AGPAT4: variants seen among roughly 807,000 people sequenced by gnomAD.
The protein encoded by AGPAT4 is 1-acylglycerol-3-phosphate O-acyltransferase 4, also known as 1-acyl-sn-glycerol-3-phosphate acyltransferase delta.
AGPAT4 carries 15 observed loss-of-function variants against 48.0 expected under a neutral mutation model. That is an observed-to-expected ratio of 0.31 (90% CI 0.21 to 0.48). The LOEUF is 0.48. Among genes scored for constraint, AGPAT4 ranks in the 20% least tolerant of loss-of-function variants. The pLI, the probability that AGPAT4 is intolerant of heterozygous loss-of-function variation, is 0.99. For missense variants in AGPAT4, 314 were observed against 482.5 expected, an observed-to-expected ratio of 0.65 and a Z score of 3.27; for synonymous variants, 178 against 198.7, an observed-to-expected ratio of 0.90 and a Z score of 0.88.
rs1780264944 is a variant in AGPAT4, at chr6:161,171,480, A to G, written c.179-5063T>C. ...GAAATAAGGGAAAGCGGCTGAACTC[A>G]TCCACTTAGCAGGAACCCACTGACC... is the stretch of plus-strand genomic sequence containing the variant. On this transcript the variant is annotated intron_variant, in intron 2 of 8. Transcript: ENST00000320285. This position sits in a 1 kb window ranked among gnomAD's most constrained non-coding sequence, Gnocchi z 4.4. Among the ~76,000 whole-genome samples the G allele has an allele frequency of 6.6e-6, 1 of 152,234 alleles. No homozygotes were observed. Among genetic ancestry groups the G allele is most frequent in the Non-Finnish European group, 1.5e-5 (1 of 68,044 alleles).
chr6:161,185,142 TAAA>T (rs11299421), intron 2 of AGPAT4, among the ~76,000 whole-genome samples: 2 of 135,094 alleles, frequency 1.5e-5, no homozygotes, highest in Non-Finnish European at 1.6e-5. Flanking sequence ...TCCAAATGTT[TAAA>T]AAAAAAAAAA....
chr6:161,198,792 G>C lies in AGPAT4; in HGVS notation c.179-32375C>G, dbSNP rs575369012. On this transcript the variant is annotated intron_variant, in intron 2 of 8. Transcript: ENST00000320285. This position sits in a 1 kb window ranked among gnomAD's most constrained non-coding sequence, Gnocchi z 4.3. ...TGACGGAGTGCGTGAATGTTAACAG[G>C]GAAACTGACCTGGAACGTATATGTT... Among the ~76,000 whole-genome samples the C allele has an allele frequency of 6.6e-6, 1 of 152,170 alleles. No individual in the cohort carries two copies. The highest frequency in any genetic ancestry group is 2.4e-5 in the African/African-American group (1 of 41,496).
intron 2 of AGPAT4, among the ~76,000 whole-genome samples, chr6:161,199,361 T>C (rs1449963019): frequency 2.6e-5 from 4 of 152,176 alleles, no homozygotes; most frequent in African/African-American, 9.7e-5. Context: ...ATGGTCAGTT[T>C]TATAAGTCTA....
chr6:161,244,128 C>T lies in AGPAT4; in HGVS notation c.-89-11826G>A, dbSNP rs944078557. Among the ~76,000 whole-genome samples, 16 of 152,198 alleles carry T rather than the reference C, an allele frequency of 1.1e-4. No homozygotes were observed. The highest frequency in any genetic ancestry group is 3.1e-4 in the African/African-American group (13 of 41,438). Reference sequence around the variant, plus strand: ...GACCAAGACCCTCATCACTTTGGTGCTCTCTGAATGTACCTGTGTTTTCCT... The same window carrying T: ...GACCAAGACCCTCATCACTTTGGTGTTCTCTGAATGTACCTGTGTTTTCCT... On this transcript the variant is annotated intron_variant, in intron 1 of 8. Coordinates refer to ENST00000320285, the MANE Select transcript of AGPAT4 (RefSeq NM_020133.3). This position sits in a 1 kb window ranked among gnomAD's most constrained non-coding sequence, Gnocchi z 4.7.
intron 2 of AGPAT4, among the ~76,000 whole-genome samples, chr6:161,207,192 C>T (rs1189951742): frequency 6.6e-6 from 1 of 152,196 alleles, no homozygotes; most frequent in Non-Finnish European, 1.5e-5. Flanking sequence ...CAGAAATCCT[C>T]TGGAAGTAAA....
At chr6:161,269,891 C>T (rs1783374355) in intron 1 of AGPAT4, among the ~76,000 whole-genome samples, 1 of 152,028 alleles carries the variant, frequency 6.6e-6, no homozygotes, top group Non-Finnish European at 1.5e-5. Flanking sequence ...AAAGGTAGGA[C>T]TTAGGATCAA....
At position 161,165,884 on chromosome 6, in the gene AGPAT4, A is replaced by T. The variant is rs1462242272; in HGVS notation, c.348+364T>A. 1.7e-6 allele frequency: 1 copy of T among 595,378 alleles called. No individual in the cohort carries two copies. The highest frequency in any genetic ancestry group is 3.0e-6 in the Non-Finnish European group (1 of 334,574). 36.9% of individuals were successfully genotyped at this position (595,378 alleles called of 1,614,324 possible). A position where few individuals can be genotyped will look rare whatever the true frequency, so the allele number is the denominator to read the frequency against. ...CATGGAATTAAGAAATATGGATGGG[A>T]GTGAAATCCAAATCTAATTACAGCT... On this transcript the variant is annotated intron_variant, in intron 3 of 8. Transcript: ENST00000320285. The surrounding 1 kb of genome is among the most constrained non-coding windows in gnomAD (Gnocchi z 5.5).
rs1780475875 is a variant in AGPAT4 at position 161,178,062 on chromosome 6, C to G, written c.179-11645G>C. ...TGTATGTGGTGTCAAATGGCCCCTA[C>G]TGGGAGGTGTCTCCCAGTTAGGCTA... On this transcript the variant is annotated intron_variant, in intron 2 of 8. Transcript: ENST00000320285. The surrounding 1 kb of genome is among the most constrained non-coding windows in gnomAD (Gnocchi z 5.1). 6.6e-6 allele frequency among the ~76,000 whole-genome samples: 1 copy of G among 152,200 alleles called. No homozygotes were observed. Among genetic ancestry groups the G allele is most frequent in the Non-Finnish European group, 1.5e-5 (1 of 68,030 alleles).
At chr6:161,269,299 T>G (rs1414161091) in intron 1 of AGPAT4, among the ~76,000 whole-genome samples, 1 of 152,128 alleles carries the variant, frequency 6.6e-6, no homozygotes, top group African/African-American at 2.4e-5. Flanking sequence ...TAACAAATGT[T>G]TACCATCCTT....
At chr6:161,250,283 G>A (rs1782771612) in intron 1 of AGPAT4, among the ~76,000 whole-genome samples, 2 of 152,084 alleles carry the variant, frequency 1.3e-5, no homozygotes, top group Non-Finnish European at 2.9e-5. Flanking sequence ...TGTACAAGAA[G>A]CCCCATGACA....
In AGPAT4 at chr6:161,223,915, G is replaced by A. The variant is rs1781899051; in HGVS notation, c.178+8121C>T. On this transcript the variant is annotated intron_variant, in intron 2 of 8. Coordinates refer to ENST00000320285, the MANE Select transcript of AGPAT4 (RefSeq NM_020133.3). The surrounding 1 kb of genome is among the most constrained non-coding windows in gnomAD (Gnocchi z 6.3). ...CAGTTCCTGGAACAGTAAGTGCTCAGTAAATACTAGCTGGCTAAAAGTTCA... is the reference window on the plus strand; with the variant it reads ...CAGTTCCTGGAACAGTAAGTGCTCAATAAATACTAGCTGGCTAAAAGTTCA... 6.6e-6 allele frequency among the ~76,000 whole-genome samples: 1 copy of A among 152,238 alleles called. No homozygotes were observed. Among genetic ancestry groups the A allele is most frequent in the Admixed American group, 6.5e-5 (1 of 15,288 alleles).
At position 161,140,640 on chromosome 6, in the gene AGPAT4, G is replaced by A. The variant is rs1779219103; in HGVS notation, c.844-1020C>T. Among the ~76,000 whole-genome samples, 2 of 152,250 alleles carry A rather than the reference G, an allele frequency of 1.3e-5. No individual in the cohort carries two copies. On this transcript the variant is annotated intron_variant, in intron 7 of 8. Transcript: ENST00000320285. The surrounding 1 kb of genome is among the most constrained non-coding windows in gnomAD (Gnocchi z 6.5). ...CCCAGGTCAGCAGGCGTGCTCAAGC[G>A]GCTGGGAGCTGAGCTGAGCCAGGAC...
Position 161,152,068 on chromosome 6 carries a change from G to A in AGPAT4, c.664+1278C>T, listed in dbSNP as rs150065863. 1.8e-3 allele frequency among the ~76,000 whole-genome samples: 273 copies of A among 152,332 alleles called. 2 individuals are homozygous for A. Among genetic ancestry groups the A allele is most frequent in the African/African-American group, 6.1e-3 (252 of 41,588 alleles). ...TCGGTTCTGCAGGCCCAAGTGAGCT[G>A]CTGAGACTCCAGAGCCTGCTTTTCT... On this transcript the variant is annotated intron_variant, in intron 5 of 8. Coordinates refer to ENST00000320285, the MANE Select transcript of AGPAT4 (RefSeq NM_020133.3).
Position 161,144,401 on chromosome 6 carries a change from C to T in AGPAT4, c.843+2123G>A, listed in dbSNP as rs1473202823. 11 of 337,998 alleles carry T rather than the reference C, an allele frequency of 3.3e-5. No homozygotes were observed. The highest frequency in any genetic ancestry group is 6.5e-5 in the Non-Finnish European group (11 of 168,838). The allele number at this position is 337,998 out of a possible 1,614,324, so 20.9% of individuals were successfully genotyped here. On this transcript the variant is annotated intron_variant, in intron 7 of 8. Coordinates refer to ENST00000320285, the MANE Select transcript of AGPAT4 (RefSeq NM_020133.3). The surrounding 1 kb of genome is among the most constrained non-coding windows in gnomAD (Gnocchi z 6.6). Reference sequence around the variant, plus strand: ...GTAAGAGCTTTGGAGTAGATGATCACTTTGAGAACCCTACCAAGTTGAACA... The same window carrying T: ...GTAAGAGCTTTGGAGTAGATGATCATTTTGAGAACCCTACCAAGTTGAACA...
At position 161,165,493 on chromosome 6, in the gene AGPAT4, C is replaced by A; in HGVS notation, c.348+755G>T. ...ATTGTTCCCAGGTGCAAAACCTGATCTCTAAGTTCTGGTGCAAACTCTTAG... is the reference window on the plus strand; with the variant it reads ...ATTGTTCCCAGGTGCAAAACCTGATATCTAAGTTCTGGTGCAAACTCTTAG... On this transcript the variant is annotated intron_variant, in intron 3 of 8. Transcript: ENST00000320285. The surrounding 1 kb of genome is among the most constrained non-coding windows in gnomAD (Gnocchi z 5.5). 2.2e-6 allele frequency: 2 copies of A among 915,072 alleles called. No individual in the cohort carries two copies. Among genetic ancestry groups the A allele is most frequent in the Admixed American group, 3.7e-5 (1 of 27,008 alleles). 56.7% of individuals were successfully genotyped at this position (915,072 alleles called of 1,614,324 possible).
Position 161,165,634 on chromosome 6 carries a change from C to T in AGPAT4, c.348+614G>A. 7.7e-7 allele frequency: 1 copy of T among 1,304,290 alleles called. No homozygotes were observed. The highest frequency in any genetic ancestry group is 1.0e-6 in the Non-Finnish European group (1 of 989,442). The allele number at this position is 1,304,290 out of a possible 1,614,324, so 80.8% of individuals were successfully genotyped here. A position where few individuals can be genotyped will look rare whatever the true frequency, so the allele number is the denominator to read the frequency against. ...GTGACACAGGCTCAACCGCTACACG[C>T]TGCAGTGTGTTGAAGACGACAAAAG... On this transcript the variant is annotated intron_variant, in intron 3 of 8. Coordinates refer to ENST00000320285, the MANE Select transcript of AGPAT4 (RefSeq NM_020133.3). The surrounding 1 kb of genome is among the most constrained non-coding windows in gnomAD (Gnocchi z 5.5).
At position 161,137,441 on chromosome 6, in the gene AGPAT4, G is replaced by C. The variant is rs972812772; in HGVS notation, c.1043-807C>G. On this transcript the variant is annotated intron_variant, in intron 8 of 8. Transcript: ENST00000320285. This position sits in a 1 kb window ranked among gnomAD's most constrained non-coding sequence, Gnocchi z 6.1. ...AGGATTATCTAGCATTAGCATCGCG[G>C]TCGATAAACTAACTGGGACATGGAT... Among the ~76,000 whole-genome samples the C allele has an allele frequency of 7.9e-5, 12 of 152,216 alleles. No individual in the cohort carries two copies. Among genetic ancestry groups the C allele is most frequent in the African/African-American group, 2.9e-4 (12 of 41,460 alleles).
Position 161,134,042 on chromosome 6 carries a change from T to C in AGPAT4, c.*2498A>G, listed in dbSNP as rs754578244. 6.6e-6 allele frequency: 1 copy of C among 152,206 alleles called. No individual in the cohort carries two copies. The highest frequency in any genetic ancestry group is 1.5e-5 in the Non-Finnish European group (1 of 68,088). The allele number at this position is 152,206 out of a possible 1,614,324, so 9.4% of individuals were successfully genotyped here. A position where few individuals can be genotyped will look rare whatever the true frequency, so the allele number is the denominator to read the frequency against. On this transcript the variant is annotated 3_prime_UTR_variant, in exon 9 of 9. Coordinates refer to ENST00000320285, the MANE Select transcript of AGPAT4 (RefSeq NM_020133.3). ...GGAGTACCCGTGGTTGTCTGTGTCA[T>C]TAAGGGCGCAGGGTGTAAGGAAACC...
rs577890627 is a variant in AGPAT4 at position 161,257,280 on chromosome 6, G to A, written c.-90+16658C>T. On this transcript the variant is annotated intron_variant, in intron 1 of 8. Transcript: ENST00000320285. ...CCAGTCCCGGCTCCATGCATGCCAC[G>A]GGTGGATCTCAAGCATATTATGCTA... Among the ~76,000 whole-genome samples the A allele has an allele frequency of 2.6e-5, 4 of 152,280 alleles. No individual in the cohort carries two copies. The East Asian group carries it at 5.8e-4, about 22-fold the overall frequency.
Sources: allele counts gnomAD v4.1 joint callset (sites outside exome capture counted in the v4.1 genomes callset), GRCh38; gene constraint gnomAD v4.1.1; non-coding constraint Gnocchi (gnomAD v3.1); transcripts MANE v1.5; gene names NCBI Gene and HGNC (gene_info 2026-07-23, HGNC 2026-07-21).